TSPAN15: variants seen among roughly 807,000 people sequenced by gnomAD.
TSPAN15 encodes the protein tetraspanin-15.
Under a neutral mutation model 34.5 loss-of-function variants are expected in TSPAN15, and 20 were observed. The observed-to-expected ratio is 0.58, with a 90% CI of 0.41 to 0.84. TSPAN15 has a LOEUF of 0.84. TSPAN15 is among the 40% of genes least tolerant of loss of function. TSPAN15 has a pLI of 0.00. For missense variants in TSPAN15, 313 were observed against 386.1 expected (o/e 0.81, Z 1.59); for synonymous variants, 155 against 153.9 (o/e 1.01, Z -0.05).
the TSPAN15 span, among the ~76,000 whole-genome samples, chr10:69,535,344 T>C: frequency 6.6e-6 from 1 of 152,134 alleles, no homozygotes; most frequent in Non-Finnish European, 1.5e-5. Flanking sequence ...AATGGGACAA[T>C]GTGAGCTTCA....
chr10:69,507,362 T>C lies in TSPAN15; in HGVS notation c.*384T>C, dbSNP rs1177235702. The C allele has an allele frequency of 8.3e-7, 1 of 1,206,690 alleles. No individual in the cohort carries two copies. The highest frequency in any genetic ancestry group is 1.0e-6 in the Non-Finnish European group (1 of 953,986). 74.7% of individuals were successfully genotyped at this position (1,206,690 alleles called of 1,614,324 possible). A position where few individuals can be genotyped will look rare whatever the true frequency, so the allele number is the denominator to read the frequency against. On this transcript the variant is annotated 3_prime_UTR_variant, in exon 8 of 8. Coordinates refer to ENST00000373290, the MANE Select transcript of TSPAN15 (RefSeq NM_012339.5). ...AGCACCTGTAATTGGGGAGAGGGAG[T>C]GTGCCCCTCGGGGCAGGAGGGAAGG...
At chr10:69,500,892 G>A (rs2133154150) in intron 5 of TSPAN15, among the ~76,000 whole-genome samples, 1 of 152,326 alleles carries the variant, frequency 6.6e-6, no homozygotes, top group African/African-American at 2.4e-5. Context: ...GCTCCCCACA[G>A]CATCCCTGCA....
chr10:69,459,957 C>T (rs1383615292), intron 1 of TSPAN15, among the ~76,000 whole-genome samples: 1 of 151,616 alleles, frequency 6.6e-6, no homozygotes, highest in East Asian at 2.0e-4. Context: ...TCTAGGGCTC[C>T]CTGCCCACGG....
At chr10:69,511,434 A>G (rs1353611178), downstream of TSPAN15, among the ~76,000 whole-genome samples, 1 of 152,016 alleles carries the variant, frequency 6.6e-6, no homozygotes, top group Non-Finnish European at 1.5e-5. Context: ...CCCTTTTATC[A>G]TTTTTTATTG....
At position 69,504,428 on chromosome 10, in the gene TSPAN15, T is replaced by A. The variant is rs747089891; in HGVS notation, c.571-10T>A. The A allele has an allele frequency of 6.2e-7, 1 of 1,613,044 alleles. No individual in the cohort carries two copies. ...TTATAAATATTAGCTATTATACATTTCCATTTCAGACAGAAGTTGTCAACA... is the reference window on the plus strand; with the variant it reads ...TTATAAATATTAGCTATTATACATTACCATTTCAGACAGAAGTTGTCAACA... On this transcript the variant is annotated splice_polypyrimidine_tract_variant and intron_variant, in intron 5 of 7. Coordinates refer to ENST00000373290, the MANE Select transcript of TSPAN15 (RefSeq NM_012339.5).
Position 69,498,329 on chromosome 10 carries a change from A to G in TSPAN15, c.503A>G (p.Tyr168Cys). ...EDYRDWSKNQ[Y>C]HDCSAPGPLA... ...TACCGAGATTGGAGCAAGAATCAGT[A>G]CCACGACTGCAGTGCCCCTGGACCC... Residue 168 changes from tyrosine (Y) to cysteine (C), a missense_variant, in exon 5 of 8, where the codon TAC becomes TGC. By Grantham distance (194) the Tyr-to-Cys change is radical (BLOSUM62 -2). Transcript: ENST00000373290. 1 of 1,613,922 alleles carries G rather than the reference A, an allele frequency of 6.2e-7. No individual in the cohort carries two copies. Among genetic ancestry groups the G allele is most frequent in the Non-Finnish European group, 8.5e-7 (1 of 1,180,002 alleles).
rs188579484 is a variant in TSPAN15 at position 69,455,077 on chromosome 10, G to A, written c.96+3387G>A. Among the ~76,000 whole-genome samples the A allele has an allele frequency of 1.4e-4, 21 of 149,082 alleles. 1 individual carries two copies. The East Asian group carries it at 3.6e-3, about 25-fold the overall frequency. On this transcript the variant is annotated intron_variant, in intron 1 of 7. Coordinates refer to ENST00000373290, the MANE Select transcript of TSPAN15 (RefSeq NM_012339.5). ...ACAGCGAGGGCTGAGGTGGAGAAAC[G>A]CTAGAACCCGGGAAGCGGAGGTTGC...
intron 3 of TSPAN15, among the ~76,000 whole-genome samples, chr10:69,490,767 T>C (rs1841951628): frequency 6.6e-6 from 1 of 152,232 alleles, no homozygotes; most frequent in Non-Finnish European, 1.5e-5. Flanking sequence ...ACCTAATACA[T>C]TGTAAATGCT....
chr10:69,505,923 G>A (rs1276078402), intron 6 of TSPAN15: 7 of 438,728 alleles, frequency 1.6e-5, no homozygotes, highest in Admixed American at 1.5e-4. Flanking sequence ...GTGCCACCAC[G>A]GTGTCCCCAG....
intron 1 of TSPAN15, among the ~76,000 whole-genome samples, chr10:69,480,866 T>G (rs1841720010): frequency 6.6e-6 from 1 of 152,032 alleles, no homozygotes; most frequent in Non-Finnish European, 1.5e-5. Flanking sequence ...CCCGGCTCAT[T>G]TTTGTATTTT....
chr10:69,508,537 C>T (rs1589659126), downstream of TSPAN15, among the ~76,000 whole-genome samples: 2 of 151,600 alleles, frequency 1.3e-5, no homozygotes, highest in African/African-American at 4.8e-5. Context: ...CATCTACACA[C>T]CCAGTAGTTA....
chr10:69,487,868 C>T (rs530910998), intron 3 of TSPAN15, among the ~76,000 whole-genome samples: 13 of 152,328 alleles, frequency 8.5e-5, no homozygotes, highest in Middle Eastern at 3.4e-3. Flanking sequence ...TGCTGTAGTC[C>T]GTGAAGGGTG....
At chr10:69,480,337 AT>A (rs71009227) in intron 1 of TSPAN15, among the ~76,000 whole-genome samples, 1,507 of 150,240 alleles carry the variant, frequency 0.01, 36 homozygotes, top group African/African-American at 0.035. Context: ...AAGAAGAAGC[AT>A]TTTTTTTTTA....
rs77620469 is a variant in TSPAN15, at chr10:69,494,368, T to C, written c.358-1226T>C. Among the ~76,000 whole-genome samples the C allele has an allele frequency of 1.7e-4, 26 of 152,372 alleles. No homozygotes were observed. The East Asian group carries it at 5.0e-3, about 29-fold the overall frequency. ...ATAACACCAGGACCTACAATGTGCC[T>C]GGTGTCCTGCTAAACACCTTCACAG... On this transcript the variant is annotated intron_variant, in intron 3 of 7. Coordinates refer to ENST00000373290, the MANE Select transcript of TSPAN15 (RefSeq NM_012339.5).
chr10:69,495,725 C>A, intron 4 of TSPAN15, 36 bp downstream of exon 4: 1 of 1,452,264 alleles, frequency 6.9e-7, no homozygotes, highest in South Asian at 1.1e-5. Flanking sequence ...ATGCGCCTCC[C>A]GTGCTCTTAG....
chr10:69,522,515 C>T, the TSPAN15 span, among the ~76,000 whole-genome samples: 1 of 144,602 alleles, frequency 6.9e-6, no homozygotes, highest in Non-Finnish European at 1.5e-5. Context: ...TCAGGAGTCT[C>T]TGACCCCCAG....
chr10:69,478,637 G>A (rs948105647), intron 1 of TSPAN15, among the ~76,000 whole-genome samples: 3 of 152,070 alleles, frequency 2.0e-5, no homozygotes, highest in Admixed American at 2.0e-4. Flanking sequence ...TTGGTTCTCT[G>A]GGGAAGCCCG....
At chr10:69,524,511 C>T in the TSPAN15 span, among the ~76,000 whole-genome samples, 2 of 146,898 alleles carry the variant, frequency 1.4e-5, no homozygotes, top group Admixed American at 1.4e-4. Flanking sequence ...AAATCCAATA[C>T]CCATTTCTAG....
In TSPAN15 at chr10:69,495,672, G is replaced by T; in HGVS notation, c.436G>T (p.Asp146Tyr). The T allele has an allele frequency of 6.2e-7, 1 of 1,613,952 alleles. No individual in the cohort carries two copies. Among genetic ancestry groups the T allele is most frequent in the South Asian group, 1.1e-5 (1 of 91,072 alleles). ...YDDLDFKNIM[D>Y]FVQKKFKCCG... ...TGATCTGGACTTCAAAAACATCATG[G>T]ACTTTGTTCAGAAAAAGGTGAGCCA... Residue 146 changes from aspartate to tyrosine, a missense_variant, in exon 4 of 8, where the codon GAC becomes TAC. By Grantham distance (160) the Asp-to-Tyr change is radical. Transcript: ENST00000373290.
Sources: allele counts gnomAD v4.1 joint callset (sites outside exome capture counted in the v4.1 genomes callset), GRCh38; gene constraint gnomAD v4.1.1; transcripts MANE v1.5; gene names NCBI Gene and HGNC (gene_info 2026-07-23, HGNC 2026-07-21).